The following SLC24A2 variants were observed in gnomAD, a reference collection of about 807,000 sequenced individuals.
SLC24A2 encodes solute carrier family 24 member 2, also known as sodium/potassium/calcium exchanger 2.
SLC24A2 carries 36 observed loss-of-function variants against 62.0 expected under a neutral mutation model. That is an observed-to-expected ratio of 0.58 (90% CI 0.44 to 0.77). SLC24A2 has a LOEUF of 0.77. Ranked by LOEUF, SLC24A2 falls within the 30% of genes least tolerant of loss-of-function variation. The probability of loss-of-function intolerance (pLI) is 0.00; values close to 1 mark genes in which losing one functional copy is unlikely to be tolerated. For missense variants in SLC24A2, 846 were observed against 817.9 expected (o/e 1.03, Z -0.42); for synonymous variants, 358 against 294.0 (o/e 1.22, Z -2.23).
the SLC24A2 span, among the ~76,000 whole-genome samples, chr9:20,117,044 A>T: frequency 6.6e-6 from 1 of 152,112 alleles, no homozygotes; most frequent in African/African-American, 2.4e-5. Flanking sequence ...CCAGTCTCTC[A>T]CCTTCATTTC....
intron 5 of SLC24A2, among the ~76,000 whole-genome samples, chr9:19,583,816 T>A (rs978985147): frequency 6.6e-6 from 1 of 152,130 alleles, no homozygotes; most frequent in African/African-American, 2.4e-5. Context: ...ATAAGGTGCA[T>A]GTGCAAAGGA....
the SLC24A2 span, among the ~76,000 whole-genome samples, chr9:19,820,043 A>G: frequency 6.0e-5 from 1 of 16,720 alleles, no homozygotes; most frequent in African/African-American, 8.7e-5. Context: ...ATATATATAC[A>G]TATATATATA....
chr9:19,582,724 A>T (rs1184356205), intron 5 of SLC24A2, among the ~76,000 whole-genome samples: 1 of 152,128 alleles, frequency 6.6e-6, no homozygotes, highest in Non-Finnish European at 1.5e-5. Context: ...AGTTAGGCAT[A>T]GACTTCAGTT....
intron 2 of SLC24A2, among the ~76,000 whole-genome samples, chr9:19,762,561 A>C (rs1314803815): frequency 6.6e-6 from 1 of 152,248 alleles, no homozygotes; most frequent in African/African-American, 2.4e-5. Context: ...TTTATTAAAT[A>C]GGGAATTCTT....
intron 7 of SLC24A2, among the ~76,000 whole-genome samples, chr9:19,572,546 G>C (rs1225239895): frequency 6.6e-6 from 1 of 152,050 alleles, no homozygotes; most frequent in African/African-American, 2.4e-5. Flanking sequence ...TTCCTGCTCT[G>C]CCATGGTAAG....
chr9:20,099,980 C>T, the SLC24A2 span, among the ~76,000 whole-genome samples: 1 of 152,018 alleles, frequency 6.6e-6, no homozygotes, highest in Non-Finnish European at 1.5e-5. Flanking sequence ...TTATTACTCT[C>T]TCTTATTATG....
intron 9 of SLC24A2, among the ~76,000 whole-genome samples, chr9:19,526,682 T>A (rs539533918): frequency 7.2e-5 from 11 of 152,288 alleles, no homozygotes; most frequent in African/African-American, 2.4e-4. Context: ...TCTTCAAAAT[T>A]AGGATACTTG....
chr9:20,247,287 G>T, the SLC24A2 span, among the ~76,000 whole-genome samples: 1 of 152,026 alleles, frequency 6.6e-6, no homozygotes, highest in Admixed American at 6.6e-5. Flanking sequence ...TCATCCTTAC[G>T]TAAGCATCAG....
chr9:20,056,998 A>G, the SLC24A2 span, among the ~76,000 whole-genome samples: 1 of 152,220 alleles, frequency 6.6e-6, no homozygotes, highest in Non-Finnish European at 1.5e-5. Context: ...GTCTCCCTAA[A>G]GCATTAATTT....
chr9:20,252,273 A>G, the SLC24A2 span, among the ~76,000 whole-genome samples: 67,571 of 152,042 alleles, frequency 0.44, 16,753 homozygotes, highest in East Asian at 0.9. Flanking sequence ...ATATTGCCTT[A>G]GATTTATGTA....
At chr9:19,611,073 T>G (rs780978051) in intron 4 of SLC24A2, among the ~76,000 whole-genome samples, 2 of 152,186 alleles carry the variant, frequency 1.3e-5, no homozygotes, top group Non-Finnish European at 2.9e-5. Context: ...GTTTTGCTTC[T>G]GATATTTTCA....
the SLC24A2 span, among the ~76,000 whole-genome samples, chr9:20,129,874 T>C: frequency 2.2e-4 from 34 of 151,390 alleles, no homozygotes; most frequent in African/African-American, 7.8e-4. Context: ...TTGCACAGCA[T>C]TGGGAATGTG....
the SLC24A2 span, among the ~76,000 whole-genome samples, chr9:19,850,975 ATATATATATG>A: frequency 0.014 from 666 of 46,694 alleles, 29 homozygotes; most frequent in East Asian, 0.034. Context: ...ATGTATATAT[ATATATATATG>A]TATATATATA....
chr9:20,181,371 G>C, the SLC24A2 span, among the ~76,000 whole-genome samples: 9 of 152,152 alleles, frequency 5.9e-5, 1 homozygote, highest in South Asian at 1.9e-3. Context: ...AAGCGTGGTA[G>C]ATGACTTCAA....
the SLC24A2 span, among the ~76,000 whole-genome samples, chr9:20,080,533 A>C: frequency 1.3e-5 from 2 of 152,110 alleles, no homozygotes; most frequent in Admixed American, 6.5e-5. Context: ...CCTAGAAGAA[A>C]ACCTAGGCAA....
At chr9:19,933,048 G>A in the SLC24A2 span, among the ~76,000 whole-genome samples, 2 of 152,230 alleles carry the variant, frequency 1.3e-5, no homozygotes, top group Non-Finnish European at 2.9e-5. Context: ...GGCAGGAGGT[G>A]GGGGCTGCGG....
chr9:19,641,300 C>T (rs1303485487), intron 2 of SLC24A2, among the ~76,000 whole-genome samples: 1 of 152,226 alleles, frequency 6.6e-6, no homozygotes, highest in Non-Finnish European at 1.5e-5. Flanking sequence ...TCAACAGAAT[C>T]TCTAGTTCTG....
chr9:20,034,700 A>C, the SLC24A2 span, among the ~76,000 whole-genome samples: 10 of 151,790 alleles, frequency 6.6e-5, no homozygotes, highest in East Asian at 9.7e-4. Flanking sequence ...GATCTCCTGA[A>C]CTCGTGATCC....
chr9:19,625,691 C>CTTT (rs5896851), intron 2 of SLC24A2, among the ~76,000 whole-genome samples: 3 of 143,804 alleles, frequency 2.1e-5, no homozygotes, highest in Non-Finnish European at 1.5e-5. Context: ...TTTTTCTTTT[C>CTTT]TTTTTTTTTT....
Sources: allele counts gnomAD v4.1 joint callset (sites outside exome capture counted in the v4.1 genomes callset), GRCh38; gene constraint gnomAD v4.1.1; transcripts MANE v1.5; gene names NCBI Gene and HGNC (gene_info 2026-07-23, HGNC 2026-07-21).